The following AGK variants were observed in gnomAD, a reference collection of about 807,000 sequenced individuals.
AGK encodes acylglycerol kinase, mitochondrial.
In AGK, 52 loss-of-function variants were observed where a neutral mutation model predicts 66.4. That is an observed-to-expected ratio of 0.78 (90% CI 0.63 to 0.99). The LOEUF (loss-of-function observed/expected upper bound fraction) is 0.99, where lower values mean the gene tolerates loss of function less well. Among genes scored for constraint, AGK ranks in the 50% least tolerant of loss-of-function variants. The probability of loss-of-function intolerance (pLI) is 0.00; values close to 1 mark genes in which losing one functional copy is unlikely to be tolerated. For missense variants in AGK, 451 were observed against 506.6 expected (o/e 0.89, Z 1.05); for synonymous variants, 182 against 181.1 (o/e 1.00, Z -0.04).
chr7:141,578,184 A>C (rs577667757), intron 2 of AGK, among the ~76,000 whole-genome samples: 1 of 151,852 alleles, frequency 6.6e-6, no homozygotes, highest in South Asian at 2.1e-4. Context: ...GAGTCAGCGA[A>C]GGGAGATGGG....
At chr7:141,634,369 G>A (rs1797123505) in intron 10 of AGK, among the ~76,000 whole-genome samples, 1 of 152,214 alleles carries the variant, frequency 6.6e-6, no homozygotes, top group Non-Finnish European at 1.5e-5. Context: ...CGGAGCTGTT[G>A]CAGTCAGACA....
intron 9 of AGK, among the ~76,000 whole-genome samples, chr7:141,626,375 C>G (rs1796938417): frequency 6.6e-6 from 1 of 152,140 alleles, no homozygotes; most frequent in African/African-American, 2.4e-5. Context: ...ATAATTGATT[C>G]AGGTAGAGAT....
At chr7:141,648,141 C>T (rs765885793) in intron 13 of AGK, among the ~76,000 whole-genome samples, 1 of 152,170 alleles carries the variant, frequency 6.6e-6, no homozygotes, top group Non-Finnish European at 1.5e-5. Context: ...CCCCCTTTTT[C>T]ATAACACAGC....
chr7:141,643,744 T>C (rs1180030048), intron 13 of AGK, among the ~76,000 whole-genome samples: 1 of 152,170 alleles, frequency 6.6e-6, no homozygotes, highest in African/African-American at 2.4e-5. Flanking sequence ...GTAATCCTTA[T>C]AGGTAGATAT....
intron 2 of AGK, among the ~76,000 whole-genome samples, chr7:141,558,004 C>T (rs565821005): frequency 9.2e-5 from 14 of 152,248 alleles, no homozygotes; most frequent in Non-Finnish European, 1.3e-4. Context: ...TGCCCATTCC[C>T]GCCCCAACCC....
chr7:141,638,546 T>C (rs1797222235), intron 11 of AGK, among the ~76,000 whole-genome samples: 1 of 152,074 alleles, frequency 6.6e-6, no homozygotes, highest in South Asian at 2.1e-4. Flanking sequence ...AGATAGGATG[T>C]AGGTAGCTCA....
chr7:141,648,247 C>A lies in AGK; in HGVS notation c.976-1016C>A, dbSNP rs759075339. ...TAGTTGTGGCATCCTTATCTTCTAA[C>A]AGAGTTTATAATTTACTATGATCCA... On this transcript the variant is annotated intron_variant, in intron 13 of 15. Transcript: ENST00000649286. 5.9e-5 allele frequency among the ~76,000 whole-genome samples: 9 copies of A among 152,162 alleles called. 2 individuals carry two copies. The highest frequency in any genetic ancestry group is 4.6e-4 in the Admixed American group (7 of 15,282).
At chr7:141,568,707 G>A (rs901293926) in intron 2 of AGK, among the ~76,000 whole-genome samples, 5 of 152,008 alleles carry the variant, frequency 3.3e-5, no homozygotes, top group African/African-American at 1.2e-4. Flanking sequence ...GAGTAGCTGG[G>A]ACTACATGTG....
intron 2 of AGK, among the ~76,000 whole-genome samples, chr7:141,575,207 A>G (rs1167988682): frequency 6.6e-6 from 1 of 152,192 alleles, no homozygotes; most frequent in African/African-American, 2.4e-5. Flanking sequence ...GTCTGTAGAG[A>G]ACAGAAGAGA....
intron 12 of AGK, 88 bp downstream of exon 12, chr7:141,641,486 T>A: frequency 7.0e-7 from 1 of 1,421,854 alleles, no homozygotes. Context: ...TTTAGAGACT[T>A]AACTAGAGCA....
intron 8 of AGK, among the ~76,000 whole-genome samples, chr7:141,621,220 CA>C (rs1435259059): frequency 6.6e-6 from 1 of 152,020 alleles, no homozygotes; most frequent in East Asian, 1.9e-4. Context: ...GGTCTGTGTT[CA>C]AAAGAATCAG....
intron 9 of AGK, among the ~76,000 whole-genome samples, chr7:141,623,716 A>T (rs1267900571): frequency 6.6e-6 from 1 of 152,234 alleles, no homozygotes; most frequent in Non-Finnish European, 1.5e-5. Context: ...TCTAGCTAAG[A>T]TCATTGACAG....
At chr7:141,636,476 A>G (rs1797172675) in intron 10 of AGK, among the ~76,000 whole-genome samples, 1 of 152,222 alleles carries the variant, frequency 6.6e-6, no homozygotes, top group African/African-American at 2.4e-5. Flanking sequence ...ACTGTGTTGA[A>G]TCCGTGCAAA....
chr7:141,602,691 GTTTCATTCA>G (rs1267507405), intron 5 of AGK, among the ~76,000 whole-genome samples: 1 of 150,194 alleles, frequency 6.7e-6, no homozygotes, highest in Non-Finnish European at 1.5e-5. Context: ...TTTTTTTATT[GTTTCATTCA>G]TTCTACTTTT....
intron 2 of AGK, among the ~76,000 whole-genome samples, chr7:141,561,904 A>C (rs768459262): frequency 1.3e-5 from 2 of 152,154 alleles, no homozygotes; most frequent in African/African-American, 2.4e-5. Flanking sequence ...GCTTCCTGAG[A>C]ACCAAAGTGC....
chr7:141,588,800 T>C (rs547794371), intron 2 of AGK, among the ~76,000 whole-genome samples: 2 of 152,162 alleles, frequency 1.3e-5, no homozygotes, highest in Non-Finnish European at 2.9e-5. Flanking sequence ...TCCTCCCCTT[T>C]TTAGACCATA....
At chr7:141,591,027 C>T (rs1796102161) in intron 2 of AGK, among the ~76,000 whole-genome samples, 1 of 147,826 alleles carries the variant, frequency 6.8e-6, no homozygotes, top group Non-Finnish European at 1.5e-5. Flanking sequence ...CAAACAACAT[C>T]AGCTTTTGGG....
intron 14 of AGK, 85 bp from the exon 15 acceptor site, chr7:141,651,440 A>C: frequency 9.0e-7 from 1 of 1,109,312 alleles, no homozygotes; most frequent in Non-Finnish European, 1.4e-6. Flanking sequence ...AAGCTCATAA[A>C]AAGGGGGAAA....
At chr7:141,574,560 A>G (rs920907413) in intron 2 of AGK, among the ~76,000 whole-genome samples, 1 of 152,214 alleles carries the variant, frequency 6.6e-6, no homozygotes, top group African/African-American at 2.4e-5. Context: ...GGTCAATAGA[A>G]TGAGGGGATA....
Sources: gnomAD v4.1 joint callset for allele counts (sites outside exome capture counted in the v4.1 genomes callset) on GRCh38, gnomAD v4.1.1 for gene constraint, MANE v1.5 for transcripts, NCBI Gene and HGNC (gene_info 2026-07-23, HGNC 2026-07-21) for gene names.